TXNRD3: variants seen among roughly 807,000 people sequenced by gnomAD.
TXNRD3 encodes TXNRD3 neighbor gene protein.
TXNRD3 carries 68 observed loss-of-function variants against 78.2 expected under a neutral mutation model. The ratio of observed to expected loss-of-function variants is 0.87; its 90% CI spans 0.72 to 1.06. TXNRD3 has a LOEUF of 1.06. Among genes scored for constraint, TXNRD3 ranks in the 50% least tolerant of loss-of-function variants. The probability of loss-of-function intolerance (pLI) is 0.00; values close to 1 mark genes in which losing one functional copy is unlikely to be tolerated. For synonymous variants in TXNRD3, 296 were observed against 300.1 expected (o/e 0.99, Z 0.14); for missense variants, 751 against 809.5 (o/e 0.93, Z 0.88).
At chr3:126,614,504 A>G (rs1938268111) in intron 13 of TXNRD3, among the ~76,000 whole-genome samples, 1 of 152,184 alleles carries the variant, frequency 6.6e-6, no homozygotes, top group Non-Finnish European at 1.5e-5. Flanking sequence ...AGACCAACCA[A>G]TGCAAAAAGG....
At position 126,630,903 on chromosome 3, in the gene TXNRD3, T is replaced by C. The variant is rs933840245; in HGVS notation, c.1006A>G (p.Lys336Glu). ...TAAGAGGCACCCACCACTAATGTTT[T>C]GCCAGGGCAATAAGGCAGAGAAAAA... is the stretch of plus-strand genomic sequence containing the variant. Residue 336 changes from lysine (K) to glutamate (E), a missense_variant, in exon 9 of 16, where the codon AAA (lysine) becomes GAA (glutamate). By Grantham distance (56) the Lys-to-Glu change is moderately conservative. Coordinates refer to ENST00000524230, the MANE Select transcript of TXNRD3 (RefSeq NM_052883.3). 2.0e-5 allele frequency: 30 copies of C among 1,536,050 alleles called. No homozygotes were observed. Among genetic ancestry groups the C allele is most frequent in the Admixed American group, 1.6e-4 (8 of 50,970 alleles).
In TXNRD3 at chr3:126,608,627, C is replaced by T. The variant is rs891676785; in HGVS notation, c.1735G>A (p.Val579Met). 2 of 1,535,048 alleles carry T rather than the reference C, an allele frequency of 1.3e-6. No homozygotes were observed. Among genetic ancestry groups the T allele is most frequent in the East Asian group, 2.4e-5 (1 of 40,870 alleles). Residue 579 changes from valine (V) to methionine (M), a missense_variant, in exon 15 of 16, where the codon GTG becomes ATG. Transcript: ENST00000524230. Reference sequence around the variant, plus strand: ...GGTCCAAGAATATGAAATCCTATCACCCGATCCTTTAATACAGAAACAAAA... The same window carrying T: ...GGTCCAAGAATATGAAATCCTATCATCCGATCCTTTAATACAGAAACAAAA...
At chr3:126,620,100 C>T (rs936418833) in intron 12 of TXNRD3, among the ~76,000 whole-genome samples, 4 of 151,904 alleles carry the variant, frequency 2.6e-5, no homozygotes, top group African/African-American at 9.7e-5. Flanking sequence ...TTGAGACCAT[C>T]CTGGCTAACA....
chr3:126,645,815 T>C (rs890779220), intron 3 of TXNRD3, among the ~76,000 whole-genome samples: 2 of 152,162 alleles, frequency 1.3e-5, no homozygotes, highest in Admixed American at 1.3e-4. Flanking sequence ...CTCTTTCTAC[T>C]GGGCAAACAT....
chr3:126,628,337 T>C (rs889304645), intron 10 of TXNRD3, among the ~76,000 whole-genome samples: 1 of 152,038 alleles, frequency 6.6e-6, no homozygotes, highest in Non-Finnish European at 1.5e-5. Flanking sequence ...AGGTCCTAAC[T>C]AATGCATTTA....
chr3:126,647,638 C>T (rs1559780158), intron 1 of TXNRD3, among the ~76,000 whole-genome samples: 1 of 152,230 alleles, frequency 6.6e-6, no homozygotes, highest in East Asian at 1.9e-4. Flanking sequence ...CTACTCCTCT[C>T]CTTCCACTCA....
intron 10 of TXNRD3, among the ~76,000 whole-genome samples, chr3:126,624,166 C>T (rs1228231305): frequency 6.6e-6 from 1 of 152,112 alleles, no homozygotes; most frequent in East Asian, 1.9e-4. Flanking sequence ...GTTAAAAAGT[C>T]AGTTCTTCCA....
At chr3:126,616,665 T>C (rs1938327320) in intron 12 of TXNRD3, among the ~76,000 whole-genome samples, 1 of 152,138 alleles carries the variant, frequency 6.6e-6, no homozygotes, top group Non-Finnish European at 1.5e-5. Context: ...AGTTCTTTTT[T>C]TAGGTTCCTC....
rs1361278272 is a variant in TXNRD3 at position 126,622,411 on chromosome 3, G to T, written c.1367+53C>A. On this transcript the variant is annotated intron_variant, in intron 11 of 15. Coordinates refer to ENST00000524230, the MANE Select transcript of TXNRD3 (RefSeq NM_052883.3). ...AATGAGAATTTCTTAGAGGTGATCT[G>T]CAGAAACCTGTTGCTTTGTGCAGCA... The T allele has an allele frequency of 3.1e-6, 4 of 1,295,938 alleles. No individual in the cohort carries two copies. The African/African-American group carries it at 4.5e-5, about 14-fold the overall frequency. The allele number at this position is 1,295,938 out of a possible 1,614,324, so 80.3% of individuals were successfully genotyped here. A position where few individuals can be genotyped will look rare whatever the true frequency, so the allele number is the denominator to read the frequency against.
In TXNRD3 at chr3:126,615,378, C is replaced by T. The variant is rs1938294163; in HGVS notation, c.1609G>A (p.Val537Ile). The change falls in exon 13 of 16, where the codon GTA becomes ATA. Residue 537 changes from valine to isoleucine, a missense_variant. Val to Ile is a conservative substitution (Grantham distance 29). Transcript: ENST00000524230. ...ACTTCTAGATTCTCTTTTTTATATACTTCAATAGCTTTCTCTTCAGATAAT... is the reference window on the plus strand; with the variant it reads ...ACTTCTAGATTCTCTTTTTTATATATTTCAATAGCTTTCTCTTCAGATAAT... 6.6e-7 allele frequency: 1 copy of T among 1,504,018 alleles called. No individual in the cohort carries two copies. The highest frequency in any genetic ancestry group is 8.8e-7 in the Non-Finnish European group (1 of 1,130,214). The allele number at this position is 1,504,018 out of a possible 1,614,324, so 93.2% of individuals were successfully genotyped here.
In TXNRD3 at chr3:126,633,998, G is replaced by A; in HGVS notation, c.766C>T (p.Leu256=). ...AGAGACAACCTGTAGCCCCAGTTTA[G>A]AGAGCTGATGTGGTTCTGAATCGCT... Residue 256 remains leucine, a synonymous_variant, in exon 7 of 16, where the codon CTA becomes TTA. Coordinates refer to ENST00000524230, the MANE Select transcript of TXNRD3 (RefSeq NM_052883.3). 6.5e-7 allele frequency: 1 copy of A among 1,529,742 alleles called. No homozygotes were observed. Among genetic ancestry groups the A allele is most frequent in the East Asian group, 2.4e-5 (1 of 40,840 alleles). The allele number at this position is 1,529,742 out of a possible 1,614,324, so 94.8% of individuals were successfully genotyped here. A position where few individuals can be genotyped will look rare whatever the true frequency, so the allele number is the denominator to read the frequency against.
chr3:126,651,705 A>G (rs1215475935), intron 1 of TXNRD3, among the ~76,000 whole-genome samples: 5 of 152,202 alleles, frequency 3.3e-5, no homozygotes, highest in Non-Finnish European at 7.3e-5. Context: ...CTGATCAATG[A>G]TGAGTGAGCA....
intron 7 of TXNRD3, among the ~76,000 whole-genome samples, chr3:126,632,156 T>C (rs1297207857): frequency 6.6e-6 from 1 of 151,710 alleles, no homozygotes; most frequent in East Asian, 1.9e-4. Flanking sequence ...ATAAGAAAAA[T>C]GAAATGATGG....
intron 6 of TXNRD3, among the ~76,000 whole-genome samples, chr3:126,641,532 C>G (rs991655866): frequency 6.6e-6 from 1 of 152,148 alleles, no homozygotes; most frequent in African/African-American, 2.4e-5. Context: ...AATTTGAGTG[C>G]ACTGAATGGA....
intron 7 of TXNRD3, among the ~76,000 whole-genome samples, chr3:126,632,844 A>AAG (rs1292514330): frequency 6.6e-6 from 1 of 152,164 alleles, no homozygotes; most frequent in African/African-American, 2.4e-5. Flanking sequence ...AAGCAAGTAC[A>AAG]GGCTCTGGGG....
chr3:126,649,463 A>T (rs537800291), intron 1 of TXNRD3, among the ~76,000 whole-genome samples: 10 of 152,356 alleles, frequency 6.6e-5, no homozygotes, highest in African/African-American at 2.4e-4. Flanking sequence ...AAATAGAAAT[A>T]TCACATAATC....
chr3:126,630,567 A>T (rs1938684773), intron 9 of TXNRD3, 145 bp downstream of exon 9: 1 of 839,378 alleles, frequency 1.2e-6, no homozygotes, highest in African/African-American at 1.7e-5. Context: ...ACGAGGGGGA[A>T]AATGGGGTTG....
intron 14 of TXNRD3, among the ~76,000 whole-genome samples, chr3:126,609,587 C>T (rs955544190): frequency 2.6e-5 from 4 of 152,134 alleles, no homozygotes; most frequent in Non-Finnish European, 4.4e-5. Context: ...ATTTCCATTT[C>T]GTAAGTTCGA....
intron 6 of TXNRD3, among the ~76,000 whole-genome samples, chr3:126,639,848 C>T (rs112011161): frequency 0.019 from 2,905 of 152,318 alleles, 43 homozygotes; most frequent in Middle Eastern, 0.048. Context: ...TCTACCTCAG[C>T]CTCCCAAAGT....
Sources: allele counts gnomAD v4.1 joint callset (sites outside exome capture counted in the v4.1 genomes callset), GRCh38; gene constraint gnomAD v4.1.1; transcripts MANE v1.5; gene names NCBI Gene and HGNC (gene_info 2026-07-23, HGNC 2026-07-21).